MTARC2: variants seen among roughly 807,000 people sequenced by gnomAD.
The protein encoded by MTARC2 is MOCO sulphurase C-terminal domain containing 2.
Under a neutral mutation model 35.6 loss-of-function variants are expected in MTARC2, and 27 were observed. The ratio of observed to expected loss-of-function variants is 0.76; its 90% CI spans 0.56 to 1.04. MTARC2 has a LOEUF of 1.04. Among genes scored for constraint, MTARC2 ranks in the 50% least tolerant of loss-of-function variants. The probability of loss-of-function intolerance (pLI) is 0.00; values close to 1 mark genes in which losing one functional copy is unlikely to be tolerated. For missense variants in MTARC2, 412 were observed against 432.5 expected (o/e 0.95, Z 0.42); for synonymous variants, 158 against 167.1 (o/e 0.95, Z 0.42).
chr1:220,750,571 C>T (rs1486280408), intron 1 of MTARC2, among the ~76,000 whole-genome samples: 2 of 152,086 alleles, frequency 1.3e-5, no homozygotes, highest in South Asian at 2.1e-4. Flanking sequence ...TTGTTTTAAA[C>T]AATAAACGCT....
intron 1 of MTARC2, among the ~76,000 whole-genome samples, chr1:220,749,859 G>C (rs919620197): frequency 3.3e-5 from 5 of 152,142 alleles, no homozygotes; most frequent in Non-Finnish European, 7.4e-5. Flanking sequence ...TTCACTCCAG[G>C]ACACGCGGAT....
At chr1:220,764,063 G>A (rs531544195) in intron 4 of MTARC2, among the ~76,000 whole-genome samples, 4 of 151,644 alleles carry the variant, frequency 2.6e-5, no homozygotes, top group Non-Finnish European at 5.9e-5. Context: ...ATGAATGACC[G>A]TACTTCCTTT....
chr1:220,755,236 A>C, intron 2 of MTARC2, 116 bp downstream of exon 2: 2 of 1,155,892 alleles, frequency 1.7e-6, no homozygotes, highest in Non-Finnish European at 2.4e-6. Context: ...GGTAAAGGAA[A>C]CATTTAAGAG....
Position 220,781,775 on chromosome 1 carries a change from C to A in MTARC2, c.885-3C>A. 1 of 1,613,748 alleles carries A rather than the reference C, an allele frequency of 6.2e-7. No homozygotes were observed. Among genetic ancestry groups the A allele is most frequent in the Non-Finnish European group, 8.5e-7 (1 of 1,179,802 alleles). The stretch of plus-strand genomic sequence containing the variant: ...CTGATGATTGAATTTTTGCTTGTTT[C>A]AGCTACCGCCTGTGTGATCCTTCTG... On this transcript the variant is annotated splice_region_variant and splice_polypyrimidine_tract_variant and intron_variant, in intron 6 of 7. Transcript: ENST00000366913.
intron 2 of MTARC2, among the ~76,000 whole-genome samples, chr1:220,758,638 C>T (rs894112279): frequency 5.9e-5 from 9 of 152,100 alleles, no homozygotes; most frequent in African/African-American, 1.9e-4. Context: ...AGGTTGTTCT[C>T]GAACTCCTGA....
intron 4 of MTARC2, among the ~76,000 whole-genome samples, chr1:220,774,946 T>TGAGA (rs1373821491): frequency 2.7e-5 from 4 of 149,364 alleles, no homozygotes; most frequent in African/African-American, 1.0e-4. Flanking sequence ...TATAGACCCG[T>TGAGA]GTGTGTGCGT....
Position 220,748,579 on chromosome 1 carries a change from C to A in MTARC2, c.48C>A (p.Ala16=), listed in dbSNP as rs775123257. ...SSALARLGLP[A]RPWPRWLGVA... ...CGCTGGCCCGCCTCGGCCTCCCAGC[C>A]CGGCCCTGGCCCAGGTGGCTCGGGG... The change falls in exon 1 of 8, where the codon GCC becomes GCA. Residue 16 remains alanine (A), a synonymous_variant. Transcript: ENST00000366913. 2 of 1,450,256 alleles carry A rather than the reference C, an allele frequency of 1.4e-6. No individual in the cohort carries two copies. The highest frequency in any genetic ancestry group is 1.4e-5 in the South Asian group (1 of 72,624). The allele number at this position is 1,450,256 out of a possible 1,614,324, so 89.8% of individuals were successfully genotyped here. A position where few individuals can be genotyped will look rare whatever the true frequency, so the allele number is the denominator to read the frequency against.
chr1:220,750,283 TG>T (rs544721231), intron 1 of MTARC2, among the ~76,000 whole-genome samples: 104 of 152,334 alleles, frequency 6.8e-4, no homozygotes, highest in African/African-American at 2.4e-3. Flanking sequence ...TCCAAAAAAC[TG>T]GGAGAACCAA....
At chr1:220,767,741 A>C (rs1012447608) in intron 4 of MTARC2, among the ~76,000 whole-genome samples, 1 of 152,208 alleles carries the variant, frequency 6.6e-6, no homozygotes, top group Non-Finnish European at 1.5e-5. Context: ...AACTCTTGGT[A>C]TGTTATCTTT....
At chr1:220,773,334 G>T (rs903669165) in intron 4 of MTARC2, among the ~76,000 whole-genome samples, 2 of 152,212 alleles carry the variant, frequency 1.3e-5, no homozygotes, top group African/African-American at 4.8e-5. Flanking sequence ...TGGTGCACCC[G>T]GAGAGGGCAT....
Position 220,754,202 on chromosome 1 carries a change from GGT to G in MTARC2, c.273-744_273-743del, listed in dbSNP as rs150135850. ...GCCCCAACCTATATGCTAGGCTGTA[GGT>G]AAAAGCCTAACCAACTGGGCCTGGC... On this transcript the variant is annotated intron_variant, in intron 1 of 7. Coordinates refer to ENST00000366913, the MANE Select transcript of MTARC2 (RefSeq NM_017898.5). Among the ~76,000 whole-genome samples the G allele has an allele frequency of 1.4e-3, 207 of 152,284 alleles. 2 individuals are homozygous for G. Among genetic ancestry groups the G allele is most frequent in the African/African-American group, 4.9e-3 (203 of 41,544 alleles).
chr1:220,758,831 A>ATGTG (rs761426962), intron 2 of MTARC2, among the ~76,000 whole-genome samples: 2 of 124,566 alleles, frequency 1.6e-5, no homozygotes, highest in Non-Finnish European at 3.1e-5. Flanking sequence ...ATGTGAAAAT[A>ATGTG]TGTGTGTGTG....
At chr1:220,783,745 G>C (rs532344452) in intron 7 of MTARC2, among the ~76,000 whole-genome samples, 174 bp from the exon 8 acceptor site, 44 of 152,340 alleles carry the variant, frequency 2.9e-4, no homozygotes, top group African/African-American at 1.0e-3. Context: ...GTCAGCTGAC[G>C]TAGGGCCTGG....
chr1:220,755,793 G>A (rs1416432437), intron 2 of MTARC2, among the ~76,000 whole-genome samples: 1 of 152,174 alleles, frequency 6.6e-6, no homozygotes, highest in Non-Finnish European at 1.5e-5. Context: ...TGTCAACAAG[G>A]CTCCAAGATG....
intron 5 of MTARC2, 21 bp downstream of exon 5, chr1:220,780,100 C>A: frequency 6.3e-7 from 1 of 1,598,480 alleles, no homozygotes; most frequent in Non-Finnish European, 8.5e-7. Flanking sequence ...TAGCTAGACC[C>A]CAGGACTGTG....
chr1:220,751,389 T>C (rs1671119946), intron 1 of MTARC2, among the ~76,000 whole-genome samples: 2 of 152,212 alleles, frequency 1.3e-5, no homozygotes, highest in African/African-American at 2.4e-5. Context: ...CTTGGAAATC[T>C]CTGCTCTCCT....
chr1:220,752,922 A>G (rs1469011400), intron 1 of MTARC2, among the ~76,000 whole-genome samples: 1 of 152,030 alleles, frequency 6.6e-6, no homozygotes, highest in African/African-American at 2.4e-5. Flanking sequence ...ATATACACTT[A>G]GGAAATGGTG....
intron 4 of MTARC2, 137 bp downstream of exon 4, chr1:220,763,187 CTTGCGGAGTTGTTCACCCATTGT>C: frequency 2.4e-6 from 3 of 1,258,598 alleles, no homozygotes; most frequent in African/African-American, 1.5e-5. Context: ...TCACTCATTG[CTTGCGGAGTTGTTCACCCATTGT>C]TGCTGCCATC....
chr1:220,758,015 C>T (rs1203725301), intron 2 of MTARC2, among the ~76,000 whole-genome samples: 2 of 152,152 alleles, frequency 1.3e-5, no homozygotes, highest in Non-Finnish European at 2.9e-5. Context: ...GATGGAGTCT[C>T]GCTCTGTCAC....
Sources: allele counts gnomAD v4.1 joint callset (sites outside exome capture counted in the v4.1 genomes callset), GRCh38; gene constraint gnomAD v4.1.1; transcripts MANE v1.5; gene names NCBI Gene and HGNC (gene_info 2026-07-23, HGNC 2026-07-21).